Variants in PRKCQ observed in about 807,000 individuals in gnomAD.
The protein encoded by PRKCQ is protein kinase C theta.
A neutral mutation model predicts 91.2 loss-of-function variants in PRKCQ; 41 were observed. The ratio of observed to expected loss-of-function variants is 0.45; its 90% CI spans 0.35 to 0.58. The LOEUF is 0.58. Ranked by LOEUF, PRKCQ falls within the 20% of genes least tolerant of loss-of-function variation. The probability of loss-of-function intolerance (pLI) is 0.00; values close to 1 mark genes in which losing one functional copy is unlikely to be tolerated. For synonymous variants in PRKCQ, 307 were observed against 316.9 expected (o/e 0.97, Z 0.33); for missense variants, 673 against 896.5 (o/e 0.75, Z 3.18).
intron 12 of PRKCQ, among the ~76,000 whole-genome samples, chr10:6,477,868 AAAAC>A (rs1267462585): frequency 6.6e-6 from 1 of 152,060 alleles, no homozygotes; most frequent in East Asian, 1.9e-4. Flanking sequence ...ACTCCGTCTC[AAAAC>A]AAACAAACAA....
In PRKCQ at chr10:6,482,753, A is replaced by G. The variant is rs112764371; in HGVS notation, c.1179+687T>C. On this transcript the variant is annotated intron_variant, in intron 11 of 17. Transcript: ENST00000263125. ...ACACAGCTGGGGAGGCCTCGCAATCATGGTGGAAGACAAAGGAAGAGCAAA... is the reference window on the plus strand; with the variant it reads ...ACACAGCTGGGGAGGCCTCGCAATCGTGGTGGAAGACAAAGGAAGAGCAAA... Among the ~76,000 whole-genome samples, 64 of 152,306 alleles carry G rather than the reference A, an allele frequency of 4.2e-4. 1 individual carries two copies. The South Asian group carries it at 0.012, about 29-fold the overall frequency.
chr10:6,449,719 A>G (rs1000735702), intron 15 of PRKCQ, among the ~76,000 whole-genome samples: 1 of 152,226 alleles, frequency 6.6e-6, no homozygotes, highest in African/African-American at 2.4e-5. Context: ...AGCCCGTCAG[A>G]CTAACAGCTG....
intron 8 of PRKCQ, 73 bp downstream of exon 8, chr10:6,491,610 A>G: frequency 6.3e-7 from 1 of 1,577,962 alleles, no homozygotes; most frequent in South Asian, 1.1e-5. Context: ...TCCTCCCTCC[A>G]GTTCCCCAGA....
chr10:6,516,941 C>A (rs1242369021), intron 1 of PRKCQ, among the ~76,000 whole-genome samples: 1 of 152,170 alleles, frequency 6.6e-6, no homozygotes, highest in Non-Finnish European at 1.5e-5. Context: ...TGATTTCTTA[C>A]TTAATAAGCA....
intron 8 of PRKCQ, among the ~76,000 whole-genome samples, chr10:6,489,177 TAGA>T (rs1208750907): frequency 6.6e-6 from 1 of 152,132 alleles, no homozygotes; most frequent in African/African-American, 2.4e-5. Flanking sequence ...TCGCCCTATT[TAGA>T]AGGTGTCAGG....
rs968483156 is a variant in PRKCQ at position 6,566,600 on chromosome 10, C to T, written c.-10+13611G>A. Among the ~76,000 whole-genome samples the T allele has an allele frequency of 9.2e-5, 14 of 152,222 alleles. No homozygotes were observed. The East Asian group carries it at 1.9e-3, about 21-fold the overall frequency. On this transcript the variant is annotated intron_variant, in intron 1 of 17. Transcript: ENST00000263125. ...GGACTAGGTAGGGTGAATGACACAA[C>T]GAGATTCAGTGGCCTCTCTCCAGTC...
At chr10:6,522,382 C>G (rs951126517) in intron 1 of PRKCQ, among the ~76,000 whole-genome samples, 1 of 152,152 alleles carries the variant, frequency 6.6e-6, no homozygotes, top group African/African-American at 2.4e-5. Flanking sequence ...CTTTAGGTCA[C>G]ACGCTATTAT....
rs148789784 is a variant in PRKCQ at position 6,497,055 on chromosome 10, T to G, written c.640A>C (p.Ile214Leu). ...KVIAKCTGSAINSRETMFHKE... is the reference protein window; with the variant it reads ...KVIAKCTGSALNSRETMFHKE... ...CTCACCATGGTTTCTCGGCTATTGA[T>G]AGCTGATCCTGTGCACTTTGCTATA... is the stretch of plus-strand genomic sequence containing the variant. The change falls in exon 7 of 18, where the codon ATC (isoleucine) becomes CTC (leucine). Residue 214 changes from isoleucine to leucine, a missense_variant. Coordinates refer to ENST00000263125, the MANE Select transcript of PRKCQ (RefSeq NM_006257.5). The surrounding 1 kb of genome is among the most constrained non-coding windows in gnomAD (Gnocchi z 4.5). The G allele has an allele frequency of 2.5e-6, 4 of 1,613,110 alleles. No individual in the cohort carries two copies. The highest frequency in any genetic ancestry group is 1.7e-5 in the Admixed American group (1 of 60,020).
intron 16 of PRKCQ, among the ~76,000 whole-genome samples, chr10:6,437,169 C>T (rs763328285): frequency 2.0e-4 from 31 of 152,190 alleles, no homozygotes; most frequent in Non-Finnish European, 4.4e-4. Context: ...ATGCTTTGGA[C>T]TGAATGGCGT....
At chr10:6,468,172 A>G (rs1024643609) in intron 12 of PRKCQ, among the ~76,000 whole-genome samples, 3 of 152,256 alleles carry the variant, frequency 2.0e-5, no homozygotes, top group African/African-American at 7.2e-5. Flanking sequence ...CTGTCAAAAT[A>G]TATCATTATT....
chr10:6,483,444 C>A lies in PRKCQ; in HGVS notation c.1175G>T (p.Gly392Val), dbSNP rs1449635080. The A allele has an allele frequency of 1.9e-6, 3 of 1,614,110 alleles. No individual in the cohort carries two copies. Residue 392 changes from glycine to valine, a missense_variant, in exon 11 of 18, where the codon GGC (glycine) becomes GTC (valine). Gly to Val is a moderately radical substitution (Grantham distance 109, BLOSUM62 -3). Coordinates refer to ENST00000263125, the MANE Select transcript of PRKCQ (RefSeq NM_006257.5). ...LHKMLGKGSF[G>V]KVFLAEFKKT... ...TTCTCCCGTGCATTAGCTTACCTTG[C>A]CAAAACTTCCTTTCCCCAACATTTT...
intron 1 of PRKCQ, among the ~76,000 whole-genome samples, chr10:6,549,040 G>A (rs1315650190): frequency 2.6e-5 from 4 of 152,156 alleles, no homozygotes; most frequent in Admixed American, 6.6e-5. Context: ...AGGCAGGCAC[G>A]TATAAGCCAT....
chr10:6,560,953 G>C (rs1315632404), intron 1 of PRKCQ, among the ~76,000 whole-genome samples: 2 of 151,360 alleles, frequency 1.3e-5, no homozygotes, highest in Non-Finnish European at 2.9e-5. Context: ...GCAGGAGAAC[G>C]GCATAAGCCT....
intron 1 of PRKCQ, among the ~76,000 whole-genome samples, chr10:6,525,014 G>A (rs1190951315): frequency 6.6e-6 from 1 of 152,188 alleles, no homozygotes; most frequent in Non-Finnish European, 1.5e-5. Context: ...TACCAGGCAT[G>A]TGCTAGGTGA....
chr10:6,494,004 A>G (rs78176598), intron 7 of PRKCQ, among the ~76,000 whole-genome samples: 2,655 of 152,338 alleles, frequency 0.017, 83 homozygotes, highest in African/African-American at 0.061. Flanking sequence ...TCTGCTCCAC[A>G]GTCTGACTGC....
At chr10:6,460,721 C>T (rs1372604336) in intron 14 of PRKCQ, among the ~76,000 whole-genome samples, 1 of 152,156 alleles carries the variant, frequency 6.6e-6, no homozygotes, top group East Asian at 1.9e-4. Context: ...CAACTCCTAA[C>T]CCCAGGTGAT....
the PRKCQ span, among the ~76,000 whole-genome samples, chr10:6,415,440 A>G: frequency 9.3e-6 from 1 of 107,516 alleles, no homozygotes; most frequent in Non-Finnish European, 1.9e-5. Flanking sequence ...ATATATATAT[A>G]TATATATATA....
chr10:6,458,740 C>T (rs112207666), intron 14 of PRKCQ, among the ~76,000 whole-genome samples: 8 of 152,114 alleles, frequency 5.3e-5, no homozygotes, highest in Non-Finnish European at 1.2e-4. Flanking sequence ...GGTCCTGTAA[C>T]GTCCAATGAG....
intron 15 of PRKCQ, among the ~76,000 whole-genome samples, chr10:6,449,096 G>A (rs1193494694): frequency 1.1e-4 from 17 of 152,082 alleles, no homozygotes; most frequent in Non-Finnish European, 2.2e-4. Context: ...TGACTTTGAC[G>A]AGTTGAGAGA....
Sources: allele counts gnomAD v4.1 joint callset (sites outside exome capture counted in the v4.1 genomes callset), GRCh38; gene constraint gnomAD v4.1.1; non-coding constraint Gnocchi (gnomAD v3.1); transcripts MANE v1.5; gene names NCBI Gene and HGNC (gene_info 2026-07-23, HGNC 2026-07-21).